The following XPR1 variants were observed in gnomAD, a reference collection of about 807,000 sequenced individuals.
The protein encoded by XPR1 is solute carrier family 53 member 1.
A neutral mutation model predicts 87.5 loss-of-function variants in XPR1; 28 were observed. The ratio of observed to expected loss-of-function variants is 0.32; its 90% CI spans 0.24 to 0.44. XPR1 has a LOEUF of 0.44. XPR1 is among the 20% of genes least tolerant of loss of function. XPR1 has a pLI of 1.00. For synonymous variants in XPR1, 300 were observed against 306.1 expected (o/e 0.98, Z 0.21); for missense variants, 559 against 862.3 (o/e 0.65, Z 4.41).
At chr1:180,742,731 T>C (rs1421569664) in intron 2 of XPR1, among the ~76,000 whole-genome samples, 2 of 152,142 alleles carry the variant, frequency 1.3e-5, no homozygotes, top group Admixed American at 6.5e-5. Context: ...CTAAGAGTTA[T>C]GTTGAAGTCT....
At chr1:180,632,362 CCTGTGCCCGG>C (rs1447981561) in intron 1 of XPR1, 92 bp downstream of exon 1, 1 of 1,488,082 alleles carries the variant, frequency 6.7e-7, no homozygotes, top group Non-Finnish European at 9.2e-7. Flanking sequence ...CAGCTGGCTC[CCTGTGCCCGG>C]GCAGACTTTG....
At chr1:180,752,405 A>G (rs1274811142) in intron 2 of XPR1, among the ~76,000 whole-genome samples, 1 of 152,190 alleles carries the variant, frequency 6.6e-6, no homozygotes. Context: ...TTTACCATAA[A>G]ACTGGACAGT....
At chr1:180,808,480 G>A (rs1469961563) in intron 6 of XPR1, among the ~76,000 whole-genome samples, 1 of 152,012 alleles carries the variant, frequency 6.6e-6, no homozygotes, top group Non-Finnish European at 1.5e-5. Context: ...AAAAACGTAT[G>A]CTCTTCAAAA....
intron 6 of XPR1, among the ~76,000 whole-genome samples, 161 bp downstream of exon 6, chr1:180,806,718 T>C (rs1490655609): frequency 6.6e-6 from 1 of 152,216 alleles, no homozygotes; most frequent in Non-Finnish European, 1.5e-5. Context: ...TATATTTTAC[T>C]TCATTCTGAA....
At chr1:180,698,669 C>T (rs1260339990) in intron 2 of XPR1, among the ~76,000 whole-genome samples, 1 of 151,934 alleles carries the variant, frequency 6.6e-6, no homozygotes, top group East Asian at 1.9e-4. Context: ...TGTAGAATTC[C>T]CTTAAGTATT....
At chr1:180,766,489 C>T (rs1648291281) in intron 2 of XPR1, among the ~76,000 whole-genome samples, 1 of 151,636 alleles carries the variant, frequency 6.6e-6, no homozygotes, top group Non-Finnish European at 1.5e-5. Flanking sequence ...TGCTTCTAGC[C>T]CAGGCTTGAG....
At position 180,874,934 on chromosome 1, in the gene XPR1, A is replaced by G. The variant is rs546875643; in HGVS notation, c.1808+992A>G. ...TTGCTACAAGTAAATTTACAATTTCAGATTTTAACATATTTCCTTCAGTGA... is the reference window on the plus strand; with the variant it reads ...TTGCTACAAGTAAATTTACAATTTCGGATTTTAACATATTTCCTTCAGTGA... On this transcript the variant is annotated intron_variant, in intron 13 of 14. Coordinates refer to ENST00000367590, the MANE Select transcript of XPR1 (RefSeq NM_004736.4). Among the ~76,000 whole-genome samples the G allele has an allele frequency of 2.0e-5, 3 of 152,356 alleles. No homozygotes were observed. The East Asian group carries it at 5.8e-4, about 29-fold the overall frequency.
rs894579031 is a variant in XPR1 at position 180,889,523 on chromosome 1, C to G, written c.*5457C>G. On this transcript the variant is annotated 3_prime_UTR_variant, in exon 15 of 15. Transcript: ENST00000367590. ...CCCTACCTGCACTTCCCTGATTGCC[C>G]TGTAGCAACACCAGCATGGTGGGAA... 1 of 152,236 alleles carries G rather than the reference C, an allele frequency of 6.6e-6. No individual in the cohort carries two copies. The highest frequency in any genetic ancestry group is 1.5e-5 in the Non-Finnish European group (1 of 68,048). 9.4% of individuals were successfully genotyped at this position (152,236 alleles called of 1,614,324 possible).
At chr1:180,747,100 A>T (rs539813881) in intron 2 of XPR1, among the ~76,000 whole-genome samples, 13 of 152,300 alleles carry the variant, frequency 8.5e-5, no homozygotes, top group African/African-American at 2.9e-4. Context: ...AATGGTTAAC[A>T]TATTCCCCCT....
chr1:180,758,345 G>C (rs1647844491), intron 2 of XPR1, among the ~76,000 whole-genome samples: 1 of 152,104 alleles, frequency 6.6e-6, no homozygotes, highest in South Asian at 2.1e-4. Flanking sequence ...ACGGGGAAGG[G>C]GAGGAGGGGA....
chr1:180,709,946 C>T (rs1248596257), intron 2 of XPR1, among the ~76,000 whole-genome samples: 1 of 150,700 alleles, frequency 6.6e-6, no homozygotes, highest in African/African-American at 2.4e-5. Context: ...TGCTCTGTCA[C>T]CTAGGCTGGA....
chr1:180,765,659 A>G (rs1377303618), intron 2 of XPR1, among the ~76,000 whole-genome samples: 1 of 152,230 alleles, frequency 6.6e-6, no homozygotes, highest in East Asian at 1.9e-4. Context: ...TCTCTGGATT[A>G]CTTATCATAC....
At chr1:180,647,583 T>C (rs929120421) in intron 1 of XPR1, among the ~76,000 whole-genome samples, 4 of 152,126 alleles carry the variant, frequency 2.6e-5, no homozygotes, top group African/African-American at 9.7e-5. Context: ...GGCAACTGTC[T>C]GAGTAGGCAA....
Position 180,873,815 on chromosome 1 carries a change from T to A in XPR1, c.1681T>A (p.Cys561Ser). The change falls in exon 13 of 15, where the codon TGT becomes AGT. Residue 561 changes from cysteine (C) to serine (S), a missense_variant. Physicochemically the swap from Cys to Ser is moderately radical, Grantham distance 112. This residue lies in a region of XPR1 where 264 missense variants were observed against 377.2 expected (regional missense o/e 0.70). Coordinates refer to ENST00000367590, the MANE Select transcript of XPR1 (RefSeq NM_004736.4). ...TATTATTTCTCAGGCCTACTACTAC[T>A]GTGCCATAATAGAGGATGTGATTCT... ...IVYPQKAYYY[C>S]AIIEDVILRF... The A allele has an allele frequency of 6.2e-7, 1 of 1,613,652 alleles. No individual in the cohort carries two copies. Among genetic ancestry groups the A allele is most frequent in the Admixed American group, 1.7e-5 (1 of 59,902 alleles).
intron 1 of XPR1, among the ~76,000 whole-genome samples, chr1:180,651,100 A>T (rs1655280072): frequency 6.7e-6 from 1 of 150,300 alleles, no homozygotes; most frequent in Non-Finnish European, 1.5e-5. Flanking sequence ...GACATTTGGA[A>T]TCCATTTCTT....
At chr1:180,718,091 A>T (rs1203905147) in intron 2 of XPR1, among the ~76,000 whole-genome samples, 1 of 152,194 alleles carries the variant, frequency 6.6e-6, no homozygotes, top group Non-Finnish European at 1.5e-5. Context: ...AATGCTATGT[A>T]TTAAGTTTTA....
At chr1:180,744,999 A>G (rs1659041080) in intron 2 of XPR1, among the ~76,000 whole-genome samples, 1 of 152,068 alleles carries the variant, frequency 6.6e-6, no homozygotes, top group Admixed American at 6.6e-5. Context: ...TGATTTCAAT[A>G]TTAGTGTTGT....
At chr1:180,745,891 C>A (rs1356348608) in intron 2 of XPR1, among the ~76,000 whole-genome samples, 1 of 152,180 alleles carries the variant, frequency 6.6e-6, no homozygotes, top group Non-Finnish European at 1.5e-5. Flanking sequence ...AATATACTTA[C>A]TTCACTTTAT....
chr1:180,774,027 T>C (rs1648615855), intron 2 of XPR1, among the ~76,000 whole-genome samples: 1 of 152,242 alleles, frequency 6.6e-6, no homozygotes, highest in Non-Finnish European at 1.5e-5. Flanking sequence ...TGCTTTGTTC[T>C]GTCATCTTTC....
Sources: allele counts gnomAD v4.1 joint callset (sites outside exome capture counted in the v4.1 genomes callset), GRCh38; gene constraint gnomAD v4.1.1; regional missense constraint gnomAD v4.1.1; transcripts MANE v1.5; gene names NCBI Gene and HGNC (gene_info 2026-07-23, HGNC 2026-07-21).